LITAF: variants seen among roughly 807,000 people sequenced by gnomAD.
The protein encoded by LITAF is lipopolysaccharide induced TNF factor, also known as lipopolysaccharide-induced tumor necrosis factor-alpha factor.
In LITAF, 9 loss-of-function variants were observed where a neutral mutation model predicts 14.5. That is an observed-to-expected ratio of 0.62 (90% CI 0.37 to 1.08). The LOEUF (loss-of-function observed/expected upper bound fraction) is 1.08, where lower values mean the gene tolerates loss of function less well. Among genes scored for constraint, LITAF ranks in the 50% least tolerant of loss-of-function variants. The probability of loss-of-function intolerance (pLI) is 0.01; values close to 1 mark genes in which losing one functional copy is unlikely to be tolerated. For missense variants in LITAF, 206 were observed against 213.4 expected (o/e 0.97, Z 0.22); for synonymous variants, 98 against 88.2 (o/e 1.11, Z -0.62).
At chr16:11,607,600 A>T (rs1010485411) in intron 3 of LITAF, among the ~76,000 whole-genome samples, 8 of 152,138 alleles carry the variant, frequency 5.3e-5, no homozygotes, top group Admixed American at 2.6e-4. Flanking sequence ...CGTCCTCATT[A>T]AAAAAATCCT....
intron 1 of LITAF, among the ~76,000 whole-genome samples, chr16:11,593,396 T>C (rs1047335879): frequency 2.4e-5 from 3 of 123,146 alleles, no homozygotes; most frequent in Non-Finnish European, 5.3e-5. Context: ...GGAAAATAAA[T>C]ATTGGTAAGG....
chr16:11,630,154 G>A (rs984497741), intron 3 of LITAF, among the ~76,000 whole-genome samples: 13 of 152,128 alleles, frequency 8.5e-5, no homozygotes, highest in African/African-American at 7.2e-5. Context: ...GACCCCTGGC[G>A]TTGGGGGGGC....
chr16:11,573,907 G>C (rs541524535), intron 1 of LITAF, among the ~76,000 whole-genome samples: 2 of 151,802 alleles, frequency 1.3e-5, no homozygotes, highest in South Asian at 4.2e-4. Context: ...TCACCACGTT[G>C]GCCAGGCTGG....
chr16:11,628,022 A>AAC (rs1555474502), intron 3 of LITAF, among the ~76,000 whole-genome samples: 6 of 150,240 alleles, frequency 4.0e-5, no homozygotes, highest in African/African-American at 1.5e-4. Flanking sequence ...AAAAAAAAAA[A>AAC]AAAAAAAAAA....
chr16:11,590,456 T>C (rs1159749234), upstream of LITAF, among the ~76,000 whole-genome samples: 1 of 117,956 alleles, frequency 8.5e-6, no homozygotes, highest in Non-Finnish European at 1.7e-5. Context: ...ACAACCATTC[T>C]GTTTTTAACT....
At chr16:11,639,916 A>G (rs1002515522), upstream of LITAF, among the ~76,000 whole-genome samples, 3 of 152,182 alleles carry the variant, frequency 2.0e-5, no homozygotes, top group African/African-American at 7.2e-5. Context: ...CTGGGAGTAC[A>G]GGCGAGAGCC....
At chr16:11,556,455 A>C in intron 2 of LITAF, 56 bp downstream of exon 2, 1 of 1,493,414 alleles carries the variant, frequency 6.7e-7, no homozygotes, top group South Asian at 1.2e-5. Context: ...CACTCTCCTG[A>C]TTCCCAGGGT....
intron 1 of LITAF, among the ~76,000 whole-genome samples, chr16:11,560,640 T>A: frequency 6.6e-6 from 1 of 151,972 alleles, no homozygotes. Context: ...AAGCTTGCTT[T>A]CTGCTCCTAA....
At chr16:11,628,807 G>C (rs113249945) in intron 3 of LITAF, among the ~76,000 whole-genome samples, 6,762 of 152,182 alleles carry the variant, frequency 0.044, 210 homozygotes, top group Middle Eastern at 0.088. Flanking sequence ...ATTCCTAGTA[G>C]CTGGGATTTC....
intron 1 of LITAF, among the ~76,000 whole-genome samples, chr16:11,560,582 C>A (rs867744236): frequency 1.7e-3 from 199 of 118,766 alleles, no homozygotes; most frequent in Middle Eastern, 8.1e-3. Flanking sequence ...GATTCCATCT[C>A]AAAAAAAAAA....
At chr16:11,585,221 ACT>A (rs1327919684) in intron 1 of LITAF, among the ~76,000 whole-genome samples, 1 of 142,236 alleles carries the variant, frequency 7.0e-6, no homozygotes, top group African/African-American at 2.6e-5. Flanking sequence ...CGACAGTGAG[ACT>A]CTGTCTCAAA....
chr16:11,554,042 G>C (rs993275421), intron 2 of LITAF, among the ~76,000 whole-genome samples: 1 of 152,016 alleles, frequency 6.6e-6, no homozygotes, highest in Non-Finnish European at 1.5e-5. Context: ...ATCAGCCTAG[G>C]CAACATGACA....
chr16:11,556,314 C>A (rs2064266939), intron 2 of LITAF, 197 bp downstream of exon 2: 2 of 600,550 alleles, frequency 3.3e-6, no homozygotes, highest in African/African-American at 1.9e-5. Context: ...CTAAACCATA[C>A]TTTATTACGG....
chr16:11,552,972 G>A (rs983538778), intron 3 of LITAF, among the ~76,000 whole-genome samples: 1 of 150,884 alleles, frequency 6.6e-6, no homozygotes, highest in East Asian at 2.0e-4. Flanking sequence ...AATATTAGCC[G>A]GGCCTGACGG....
intron 3 of LITAF, among the ~76,000 whole-genome samples, chr16:11,631,707 T>C (rs926355038): frequency 1.3e-5 from 2 of 151,940 alleles, no homozygotes; most frequent in Non-Finnish European, 2.9e-5. Flanking sequence ...GGACGCCTTC[T>C]CTCCGGTGTC....
intron 3 of LITAF, among the ~76,000 whole-genome samples, chr16:11,622,127 A>C (rs997302761): frequency 6.6e-6 from 1 of 152,124 alleles, no homozygotes; most frequent in Non-Finnish European, 1.5e-5. Context: ...GTGGTTAGAG[A>C]GTGTGTTTGG....
chr16:11,627,044 G>A (rs1357463119), intron 3 of LITAF, among the ~76,000 whole-genome samples: 1 of 151,952 alleles, frequency 6.6e-6, no homozygotes, highest in Non-Finnish European at 1.5e-5. Flanking sequence ...ATCCCCCTAG[G>A]AACCCGGGTG....
upstream of LITAF, among the ~76,000 whole-genome samples, chr16:11,603,057 C>G (rs898551888): frequency 6.6e-6 from 1 of 151,910 alleles, no homozygotes; most frequent in Non-Finnish European, 1.5e-5. Context: ...GAGGCTGCAG[C>G]GAGCTGTGAT....
chr16:11,579,390 G>A (rs1486015413), intron 1 of LITAF, among the ~76,000 whole-genome samples: 1 of 151,864 alleles, frequency 6.6e-6, no homozygotes, highest in African/African-American at 2.4e-5. Flanking sequence ...GGCGGAGCTT[G>A]CAGTGAGCCG....
Sources: gnomAD v4.1 joint callset for allele counts (sites outside exome capture counted in the v4.1 genomes callset) on GRCh38, gnomAD v4.1.1 for gene constraint, MANE v1.5 for transcripts, NCBI Gene and HGNC (gene_info 2026-07-23, HGNC 2026-07-21) for gene names.